Variants in GEMIN2 observed in about 807,000 individuals in gnomAD.
The protein encoded by GEMIN2 is gem-associated protein 2.
GEMIN2 carries 37 observed loss-of-function variants against 45.8 expected under a neutral mutation model. The ratio of observed to expected loss-of-function variants is 0.81; its 90% CI spans 0.62 to 1.06. GEMIN2 has a LOEUF of 1.06. GEMIN2 is among the 50% of genes least tolerant of loss of function. The probability of loss-of-function intolerance (pLI) is 0.00; values close to 1 mark genes in which losing one functional copy is unlikely to be tolerated. For missense variants in GEMIN2, 335 were observed against 321.8 expected, an observed-to-expected ratio of 1.04 and a Z score of -0.31; for synonymous variants, 101 against 111.5, an observed-to-expected ratio of 0.91 and a Z score of 0.60.
chr14:39,136,328 T>C, intron 9 of GEMIN2, 112 bp from the exon 10 acceptor site: 1 of 660,548 alleles, frequency 1.5e-6, no homozygotes, highest in Non-Finnish European at 2.7e-6. Flanking sequence ...CTATAGCTTA[T>C]TTAACCAGTT....
intron 9 of GEMIN2, chr14:39,134,451 T>C (rs145895556): frequency 4.6e-5 from 7 of 152,304 alleles, no homozygotes; most frequent in African/African-American, 1.4e-4. Context: ...CACATATTTA[T>C]TTTAGGTCTC....
chr14:39,124,876 CT>C, intron 5 of GEMIN2, 115 bp from the exon 6 acceptor site: 1 of 632,646 alleles, frequency 1.6e-6, no homozygotes, highest in Non-Finnish European at 2.8e-6. Flanking sequence ...AAAGAATTTT[CT>C]TTTATTTGTT....
Position 39,133,665 on chromosome 14 carries a change from G to A in GEMIN2, c.716G>A (p.Ser239Asn). 4 of 1,461,708 alleles carry A rather than the reference G, an allele frequency of 2.7e-6. No homozygotes were observed. The highest frequency in any genetic ancestry group is 3.7e-6 in the Non-Finnish European group (4 of 1,076,868). The allele number at this position is 1,461,708 out of a possible 1,614,324, so 90.5% of individuals were successfully genotyped here. Residue 239 changes from serine (S) to asparagine (N), a missense_variant, in exon 9 of 10, where the codon AGC becomes AAC. By Grantham distance (46) the Ser-to-Asn change is conservative. Transcript: ENST00000308317. ...RCSEVRLLVD[S>N]KDDERVPALN... ...TTTTTCTTTTTTTTTTTTTAGGATA[G>A]CAAAGATGATGAGAGGGTTCCTGCT...
intron 4 of GEMIN2, 74 bp downstream of exon 4, chr14:39,118,673 T>TA: frequency 1.5e-6 from 1 of 689,260 alleles, no homozygotes; most frequent in Non-Finnish European, 2.7e-6. Flanking sequence ...TTCCAGTCGT[T>TA]AAAGATTCAC....
chr14:39,131,003 A>C (rs947516041), intron 7 of GEMIN2, among the ~76,000 whole-genome samples: 2 of 152,126 alleles, frequency 1.3e-5, no homozygotes, highest in Non-Finnish European at 2.9e-5. Context: ...ATTGTATTGA[A>C]AAAAGGTTGT....
intron 7 of GEMIN2, among the ~76,000 whole-genome samples, chr14:39,131,045 C>T (rs2052709184): frequency 6.6e-6 from 1 of 152,092 alleles, no homozygotes; most frequent in Non-Finnish European, 1.5e-5. Context: ...CGCCTGTAAT[C>T]TCACCACTTT....
chr14:39,115,887 C>T (rs1277302449), intron 2 of GEMIN2, among the ~76,000 whole-genome samples: 1 of 152,116 alleles, frequency 6.6e-6, no homozygotes, highest in Non-Finnish European at 1.5e-5. Flanking sequence ...AAGGTTCCTA[C>T]CCTTGTAGAG....
intron 5 of GEMIN2, among the ~76,000 whole-genome samples, chr14:39,123,005 G>GGT (rs1295689817): frequency 6.6e-6 from 1 of 152,074 alleles, no homozygotes; most frequent in Non-Finnish European, 1.5e-5. Context: ...GACACAATTA[G>GGT]ATGCTTTAAA....
At chr14:39,127,485 T>A (rs1285076671) in intron 6 of GEMIN2, among the ~76,000 whole-genome samples, 4 of 151,164 alleles carry the variant, frequency 2.6e-5, no homozygotes, top group African/African-American at 9.7e-5. Flanking sequence ...TGGGACTGCA[T>A]TCACTCACCA....
chr14:39,115,454 C>G (rs2052490448), intron 2 of GEMIN2, among the ~76,000 whole-genome samples: 1 of 106,056 alleles, frequency 9.4e-6, no homozygotes, highest in South Asian at 3.1e-4. Flanking sequence ...AGATGTCTTA[C>G]ACTTTTTTTT....
intron 2 of GEMIN2, among the ~76,000 whole-genome samples, chr14:39,116,673 C>G (rs1436665987): frequency 1.3e-5 from 2 of 152,010 alleles, no homozygotes; most frequent in African/African-American, 4.8e-5. Flanking sequence ...GTAATTTTTC[C>G]TATAATTCCT....
chr14:39,115,673 T>C (rs754575936), intron 2 of GEMIN2, among the ~76,000 whole-genome samples: 2 of 152,044 alleles, frequency 1.3e-5, no homozygotes, highest in Non-Finnish European at 2.9e-5. Flanking sequence ...TCCAGTCTGG[T>C]CTTGAACTCC....
chr14:39,119,522 G>A (rs778810592), intron 4 of GEMIN2, among the ~76,000 whole-genome samples: 15 of 152,078 alleles, frequency 9.9e-5, no homozygotes, highest in African/African-American at 1.4e-4. Flanking sequence ...ATATTCTTTC[G>A]TAGAATCTAA....
Position 39,136,568 on chromosome 14 carries a change from A to G in GEMIN2, c.*89A>G. ...AATGCCAATTCAAGTACAGATTTCA[A>G]CACATCTTCAACACTATGTGAAGGG... On this transcript the variant is annotated 3_prime_UTR_variant, in exon 10 of 10. Transcript: ENST00000308317. 1.0e-6 allele frequency: 1 copy of G among 975,802 alleles called. No homozygotes were observed. The highest frequency in any genetic ancestry group is 1.3e-5 in the South Asian group (1 of 76,092). The allele number at this position is 975,802 out of a possible 1,614,324, so 60.4% of individuals were successfully genotyped here.
intron 5 of GEMIN2, 74 bp downstream of exon 5, chr14:39,122,617 A>T: frequency 1.4e-6 from 1 of 735,468 alleles, no homozygotes; most frequent in South Asian, 1.7e-5. Context: ...GGGGTCAGCA[A>T]ACTCTACCCT....
intron 9 of GEMIN2, 35 bp downstream of exon 9, chr14:39,133,754 AG>A (rs774478265): frequency 9.3e-7 from 1 of 1,076,774 alleles, no homozygotes; most frequent in Admixed American, 2.4e-5. Flanking sequence ...ATTATTTATC[AG>A]TGAGGTCAGT....
At position 39,132,087 on chromosome 14, in the gene GEMIN2, T is replaced by C; in HGVS notation, c.711+19T>C. On this transcript the variant is annotated intron_variant, in intron 8 of 9. Transcript: ENST00000308317. Reference sequence around the variant, plus strand: ...CTTAGTGGTAAGTTGCAACTTACTGTTTAAAATTAAAAGCACCCACCAATT... The same window carrying C: ...CTTAGTGGTAAGTTGCAACTTACTGCTTAAAATTAAAAGCACCCACCAATT... 8.5e-7 allele frequency: 1 copy of C among 1,170,618 alleles called. No homozygotes were observed. Among genetic ancestry groups the C allele is most frequent in the Non-Finnish European group, 1.3e-6 (1 of 781,630 alleles). 72.5% of individuals were successfully genotyped at this position (1,170,618 alleles called of 1,614,324 possible).
chr14:39,125,992 C>T (rs1386089010), intron 6 of GEMIN2, among the ~76,000 whole-genome samples: 1 of 151,228 alleles, frequency 6.6e-6, no homozygotes, highest in Non-Finnish European at 1.5e-5. Context: ...TGCACTCCAG[C>T]CTGGGCGACA....
intron 4 of GEMIN2, among the ~76,000 whole-genome samples, chr14:39,119,977 T>A (rs2052555067): frequency 6.6e-6 from 1 of 152,200 alleles, no homozygotes; most frequent in Admixed American, 6.5e-5. Flanking sequence ...CAAGGATGTA[T>A]GTATGTAGTA....
Sources: gnomAD v4.1 joint callset for allele counts (sites outside exome capture counted in the v4.1 genomes callset) on GRCh38, gnomAD v4.1.1 for gene constraint, MANE v1.5 for transcripts, NCBI Gene and HGNC (gene_info 2026-07-23, HGNC 2026-07-21) for gene names.